RCN3: variants seen among roughly 807,000 people sequenced by gnomAD.
The protein encoded by RCN3 is reticulocalbin-3.
RCN3 carries 41 observed loss-of-function variants against 35.9 expected under a neutral mutation model. That is an observed-to-expected ratio of 1.14 (90% CI 0.89 to 1.48). The LOEUF (loss-of-function observed/expected upper bound fraction) is 1.48, where lower values mean the gene tolerates loss of function less well. RCN3 is among the 40% of genes most tolerant of loss of function. The probability of loss-of-function intolerance (pLI) is 0.00; values close to 1 mark genes in which losing one functional copy is unlikely to be tolerated. For missense variants in RCN3, 451 were observed against 471.3 expected (o/e 0.96, Z 0.40); for synonymous variants, 187 against 193.4 (o/e 0.97, Z 0.27).
At chr19:49,539,955 T>C (rs2122737965) in intron 5 of RCN3, among the ~76,000 whole-genome samples, 1 of 152,186 alleles carries the variant, frequency 6.6e-6, no homozygotes, top group South Asian at 2.1e-4. Context: ...ACTCCCAACC[T>C]CAGGTGATCT....
Position 49,537,741 on chromosome 19 carries a change from C to T in RCN3, c.618+536C>T, listed in dbSNP as rs1337281349. On this transcript the variant is annotated intron_variant, in intron 4 of 6. Transcript: ENST00000270645. ...CTCAAACTTTTGACCTCAGGTGATC[C>T]GCCCGCCTCAGCCTCCCAAAGTGCT... Among the ~76,000 whole-genome samples the T allele has an allele frequency of 5.3e-5, 8 of 151,770 alleles. No homozygotes were observed. In the South Asian group the frequency reaches 8.3e-4, roughly 16 times the overall value.
chr19:49,534,268 C>T lies in RCN3; in HGVS notation c.318C>T (p.Ile106=), dbSNP rs576658208. 7 of 1,462,470 alleles carry T rather than the reference C, an allele frequency of 4.8e-6. No individual in the cohort carries two copies. The South Asian group carries it at 5.5e-5, about 12-fold the overall frequency. 90.6% of individuals were successfully genotyped at this position (1,462,470 alleles called of 1,614,324 possible). A position where few individuals can be genotyped will look rare whatever the true frequency, so the allele number is the denominator to read the frequency against. The change falls in exon 3 of 7, where the codon ATC becomes ATT. Residue 106 remains isoleucine (I), a synonymous_variant. Coordinates refer to ENST00000270645, the MANE Select transcript of RCN3 (RefSeq NM_020650.3). ...WVSLAELRAW[I]AHTQQRHIRD... ...CGCTGGCCGAGCTTCGCGCGTGGAT[C>T]GCGCACACGCAGCAGCGGCACATAC...
rs2080152057 is a variant in RCN3 at position 49,539,310 on chromosome 19, T to G, written c.679+131T>G. The G allele has an allele frequency of 5.6e-5, 37 of 658,882 alleles. No homozygotes were observed. The South Asian group carries it at 6.6e-4, about 12-fold the overall frequency. 40.8% of individuals were successfully genotyped at this position (658,882 alleles called of 1,614,324 possible). ...CCCTCAGACATGGGGGCAGGGGCAC[T>G]CACTGCTTGAGTTCATTTAGCCACC... is the stretch of plus-strand genomic sequence containing the variant. On this transcript the variant is annotated intron_variant, in intron 5 of 6. Coordinates refer to ENST00000270645, the MANE Select transcript of RCN3 (RefSeq NM_020650.3).
intron 2 of RCN3, among the ~76,000 whole-genome samples, chr19:49,530,573 C>T (rs1221096606): frequency 6.7e-6 from 1 of 149,316 alleles, no homozygotes; most frequent in Non-Finnish European, 1.5e-5. Context: ...CTCGGCTCAC[C>T]ACAACCTCCG....
chr19:49,542,147 C>T (rs1369854762), intron 5 of RCN3, among the ~76,000 whole-genome samples: 2 of 152,078 alleles, frequency 1.3e-5, no homozygotes, highest in East Asian at 3.9e-4. Flanking sequence ...ACCCTCCTGC[C>T]TGGGTCTCCC....
chr19:49,541,851 G>T (rs546848958), intron 5 of RCN3, among the ~76,000 whole-genome samples: 1 of 151,838 alleles, frequency 6.6e-6, no homozygotes, highest in African/African-American at 2.4e-5. Context: ...GTGGTGGCAC[G>T]CACCTGTAAT....
chr19:49,533,088 G>A (rs1348101072), intron 2 of RCN3, among the ~76,000 whole-genome samples: 1 of 152,178 alleles, frequency 6.6e-6, no homozygotes, highest in African/African-American at 2.4e-5. Context: ...GACACAGAGA[G>A]GTTAAGTCAC....
intron 5 of RCN3, among the ~76,000 whole-genome samples, chr19:49,541,091 T>G (rs2080160936): frequency 6.6e-6 from 1 of 152,014 alleles, no homozygotes. Flanking sequence ...CTACCACGCC[T>G]GGCTAATTTT....
intron 5 of RCN3, among the ~76,000 whole-genome samples, chr19:49,540,151 ATCTG>A (rs764568897): frequency 2.0e-5 from 3 of 148,136 alleles, no homozygotes; most frequent in South Asian, 2.1e-4. Flanking sequence ...CTTTCTTTCT[ATCTG>A]TCTGTCTGTG....
intron 5 of RCN3, among the ~76,000 whole-genome samples, chr19:49,542,255 T>A (rs1302399945): frequency 6.6e-6 from 1 of 152,170 alleles, no homozygotes; most frequent in South Asian, 2.1e-4. Flanking sequence ...AGACATTGCT[T>A]ACTATGTGCC....
chr19:49,537,946 G>C (rs1224548305), intron 4 of RCN3, among the ~76,000 whole-genome samples: 2 of 151,274 alleles, frequency 1.3e-5, no homozygotes, highest in African/African-American at 2.4e-5. Context: ...GCCCCAAAAT[G>C]TGCTTTGTTC....
chr19:49,533,020 C>G (rs748905980), intron 2 of RCN3, among the ~76,000 whole-genome samples: 4 of 152,344 alleles, frequency 2.6e-5, no homozygotes, highest in Middle Eastern at 3.4e-3. Context: ...TTCCCCACAA[C>G]CGCCCTTTTG....
chr19:49,537,018 C>A lies in RCN3; in HGVS notation c.446-15C>A. 1 of 1,513,440 alleles carries A rather than the reference C, an allele frequency of 6.6e-7. No individual in the cohort carries two copies. The highest frequency in any genetic ancestry group is 8.9e-7 in the Non-Finnish European group (1 of 1,125,302). The allele number at this position is 1,513,440 out of a possible 1,614,324, so 93.8% of individuals were successfully genotyped here. ...TCCATTAAAGCTCATCTCACTGAGACCTGTCCTTCCCCAGGTGAAGAATTT... is the reference window on the plus strand; with the variant it reads ...TCCATTAAAGCTCATCTCACTGAGAACTGTCCTTCCCCAGGTGAAGAATTT... On this transcript the variant is annotated splice_polypyrimidine_tract_variant and intron_variant, in intron 3 of 6. Coordinates refer to ENST00000270645, the MANE Select transcript of RCN3 (RefSeq NM_020650.3).
intron 5 of RCN3, among the ~76,000 whole-genome samples, chr19:49,540,851 C>T (rs2080159632): frequency 6.6e-6 from 1 of 151,842 alleles, no homozygotes; most frequent in Admixed American, 6.6e-5. Context: ...CAGAGATGCT[C>T]CTTAGCATTC....
chr19:49,529,055 C>T (rs1358458938), intron 2 of RCN3, among the ~76,000 whole-genome samples: 1 of 152,000 alleles, frequency 6.6e-6, no homozygotes, highest in Non-Finnish European at 1.5e-5. Flanking sequence ...GTGGTGGGCA[C>T]CTGTAATCCC....
chr19:49,534,340 C>T lies in RCN3; in HGVS notation c.390C>T (p.Asp130=), dbSNP rs1258243001. Residue 130 remains aspartate, a synonymous_variant, in exon 3 of 7, where the codon GAC becomes GAT. Coordinates refer to ENST00000270645, the MANE Select transcript of RCN3 (RefSeq NM_020650.3). ...GGGACACGTACGACACGGACCGCGACGGGCGTGTGGGTTGGGAGGAGCTGC... is the reference window on the plus strand; with the variant it reads ...GGGACACGTACGACACGGACCGCGATGGGCGTGTGGGTTGGGAGGAGCTGC... The part of the protein sequence containing the change: ...AAWDTYDTDR[D]GRVGWEELRN... The T allele has an allele frequency of 5.2e-6, 8 of 1,525,152 alleles. No homozygotes were observed. The African/African-American group carries it at 9.9e-5, about 19-fold the overall frequency. 94.5% of individuals were successfully genotyped at this position (1,525,152 alleles called of 1,614,324 possible).
At chr19:49,539,069 C>G (rs776152369) in intron 4 of RCN3, 50 bp from the exon 5 acceptor site, 4 of 1,421,498 alleles carry the variant, frequency 2.8e-6, no homozygotes, top group South Asian at 1.3e-5. Context: ...CAGCCTCCCC[C>G]AGGAGCCAGG....
intron 2 of RCN3, 34 bp downstream of exon 2, chr19:49,528,748 G>C (rs1256126109): frequency 1.3e-6 from 2 of 1,524,832 alleles, no homozygotes; most frequent in Admixed American, 4.1e-5. Flanking sequence ...CGTGTCCAGA[G>C]GTGGGGCTTA....
rs926186456 is a variant in RCN3 at position 49,538,161 on chromosome 19, G to A, written c.618+956G>A. Among the ~76,000 whole-genome samples, 3 of 120,526 alleles carry A rather than the reference G, an allele frequency of 2.5e-5. No homozygotes were observed. In the Admixed American group the frequency reaches 2.6e-4, roughly 11 times the overall value. 79.1% of individuals were successfully genotyped at this position (120,526 alleles called of 152,430 possible). A position where few individuals can be genotyped will look rare whatever the true frequency, so the allele number is the denominator to read the frequency against. The stretch of plus-strand genomic sequence containing the variant: ...GCACAAGCCACCATGTCTGGCTAAT[G>A]TTTTTTTTTTTTTTTTTTTCAGACG... On this transcript the variant is annotated intron_variant, in intron 4 of 6. Coordinates refer to ENST00000270645, the MANE Select transcript of RCN3 (RefSeq NM_020650.3).
Sources: gnomAD v4.1 joint callset for allele counts (sites outside exome capture counted in the v4.1 genomes callset) on GRCh38, gnomAD v4.1.1 for gene constraint, MANE v1.5 for transcripts, NCBI Gene and HGNC (gene_info 2026-07-23, HGNC 2026-07-21) for gene names.